DNAJC24: variants seen among roughly 807,000 people sequenced by gnomAD.
DNAJC24 encodes DnaJ heat shock protein family (Hsp40) member C24.
DNAJC24 carries 17 observed loss-of-function variants against 18.0 expected under a neutral mutation model. That is an observed-to-expected ratio of 0.94 (90% confidence interval 0.65 to 1.42). The LOEUF (loss-of-function observed/expected upper bound fraction) is 1.42. Among genes scored for constraint, DNAJC24 ranks in the 40% most tolerant of loss-of-function variants. The pLI is 0.00. For missense variants in DNAJC24, 158 were observed against 175.6 expected, an observed-to-expected ratio of 0.90 and a Z score of 0.57; for synonymous variants, 55 against 57.7, an observed-to-expected ratio of 0.95 and a Z score of 0.21.
At chr11:31,396,169 C>A in intron 2 of DNAJC24, 1 of 376,800 alleles carries the variant, frequency 2.7e-6, no homozygotes, top group Non-Finnish European at 5.2e-6. Context: ...TTTACTGTGA[C>A]ATCTGATACT....
intron 2 of DNAJC24, among the ~76,000 whole-genome samples, chr11:31,394,327 T>C (rs1337365756): frequency 6.6e-6 from 1 of 152,204 alleles, no homozygotes; most frequent in Non-Finnish European, 1.5e-5. Context: ...GGAATATGCA[T>C]GTCAAGTGAC....
intron 3 of DNAJC24, among the ~76,000 whole-genome samples, chr11:31,423,925 G>A (rs1428635739): frequency 1.3e-5 from 2 of 152,094 alleles, no homozygotes; most frequent in Non-Finnish European, 2.9e-5. Context: ...GAAATAGGTG[G>A]CTACTCTAAA....
At chr11:31,421,376 G>C (rs1464273663) in intron 3 of DNAJC24, among the ~76,000 whole-genome samples, 1 of 152,164 alleles carries the variant, frequency 6.6e-6, no homozygotes, top group Non-Finnish European at 1.5e-5. Context: ...CTTTAAGTTT[G>C]AAATAAACTT....
chr11:31,379,891 G>A (rs922676033), intron 2 of DNAJC24, among the ~76,000 whole-genome samples: 1 of 151,930 alleles, frequency 6.6e-6, no homozygotes, highest in African/African-American at 2.4e-5. Context: ...CCAAGTAGCT[G>A]GGATTACAGG....
chr11:31,427,416 A>T (rs1215183481), intron 4 of DNAJC24: 3 of 152,110 alleles, frequency 2.0e-5, no homozygotes, highest in Non-Finnish European at 4.4e-5. Context: ...TGGTGGTGAC[A>T]GTCTCATCAG....
chr11:31,380,351 A>G (rs1952364766), intron 2 of DNAJC24, among the ~76,000 whole-genome samples: 1 of 152,200 alleles, frequency 6.6e-6, no homozygotes, highest in African/African-American at 2.4e-5. Flanking sequence ...CAGACCAAAA[A>G]TCATTTTCAA....
intron 3 of DNAJC24, among the ~76,000 whole-genome samples, chr11:31,422,722 T>G (rs1284631091): frequency 6.6e-6 from 1 of 152,146 alleles, no homozygotes; most frequent in East Asian, 1.9e-4. Flanking sequence ...GTAAGTTACT[T>G]TAGAGGATGG....
intron 3 of DNAJC24, among the ~76,000 whole-genome samples, chr11:31,423,481 G>A (rs949250672): frequency 1.3e-5 from 2 of 152,010 alleles, no homozygotes; most frequent in Non-Finnish European, 2.9e-5. Context: ...GGCTGGTCTC[G>A]AACTCCTGAC....
chr11:31,386,475 C>G (rs936153558), intron 2 of DNAJC24, among the ~76,000 whole-genome samples: 1 of 151,872 alleles, frequency 6.6e-6, no homozygotes, highest in Non-Finnish European at 1.5e-5. Context: ...AGCTCCTAGA[C>G]TACATTTCTA....
chr11:31,373,026 A>G lies in DNAJC24; in HGVS notation c.111+2167A>G, dbSNP rs994392618. 1.5e-5 allele frequency among the ~76,000 whole-genome samples: 2 copies of G among 134,234 alleles called. 1 individual carries two copies. The highest frequency in any genetic ancestry group is 3.4e-5 in the Non-Finnish European group (2 of 58,184). The allele number at this position is 134,234 out of a possible 152,430, so 88.1% of individuals were successfully genotyped here. On this transcript the variant is annotated intron_variant, in intron 2 of 4. Coordinates refer to ENST00000465995, the MANE Select transcript of DNAJC24 (RefSeq NM_181706.5). ...ATGATGTTGAGCCCTTTTTAATGTG[A>G]TAATTGGCCATTTGTATAATTTTCT...
At chr11:31,412,401 C>T (rs188804241) in intron 2 of DNAJC24, among the ~76,000 whole-genome samples, 8 of 152,086 alleles carry the variant, frequency 5.3e-5, no homozygotes, top group African/African-American at 1.4e-4. Flanking sequence ...CCCCTGTAAA[C>T]GTATCATAAA....
intron 2 of DNAJC24, among the ~76,000 whole-genome samples, chr11:31,412,261 C>G (rs1952716863): frequency 6.6e-6 from 1 of 152,014 alleles, no homozygotes; most frequent in Non-Finnish European, 1.5e-5. Context: ...TTCATTGTAC[C>G]AAGCAGACTT....
At chr11:31,381,270 A>G (rs921241755) in intron 2 of DNAJC24, among the ~76,000 whole-genome samples, 1 of 152,132 alleles carries the variant, frequency 6.6e-6, no homozygotes, top group Non-Finnish European at 1.5e-5. Flanking sequence ...CCTTATTTTC[A>G]AATTCACTCT....
At chr11:31,375,038 T>C (rs1952299824) in intron 2 of DNAJC24, among the ~76,000 whole-genome samples, 2 of 134,538 alleles carry the variant, frequency 1.5e-5, no homozygotes, top group African/African-American at 5.0e-5. Context: ...TGTGAGCCAG[T>C]TGCTGTGGTT....
chr11:31,430,703 G>C lies in DNAJC24; in HGVS notation c.*302G>C, dbSNP rs528776057. 1 of 159,242 alleles carries C rather than the reference G, an allele frequency of 6.3e-6. No homozygotes were observed. Among genetic ancestry groups the C allele is most frequent in the African/African-American group, 2.4e-5 (1 of 41,550 alleles). 9.9% of individuals were successfully genotyped at this position (159,242 alleles called of 1,614,324 possible). ...CACAAAATAAGAATTTTCTTAATAT[G>C]AGCATGTCTCCTCTTTTCAGTGGGT... On this transcript the variant is annotated 3_prime_UTR_variant, in exon 5 of 5. Coordinates refer to ENST00000465995, the MANE Select transcript of DNAJC24 (RefSeq NM_181706.5).
intron 2 of DNAJC24, among the ~76,000 whole-genome samples, chr11:31,375,224 C>G (rs1591897559): frequency 7.4e-6 from 1 of 134,966 alleles, no homozygotes; most frequent in Non-Finnish European, 1.7e-5. Flanking sequence ...TTTTCTTTTC[C>G]CTTTAGAGGC....
intron 2 of DNAJC24, among the ~76,000 whole-genome samples, chr11:31,378,765 G>A (rs1032107078): frequency 9.9e-5 from 15 of 152,086 alleles, no homozygotes; most frequent in Admixed American, 3.3e-4. Context: ...TTAAGCGTGA[G>A]CTCTAGAGGG....
At chr11:31,391,116 A>C (rs117185440) in intron 2 of DNAJC24, among the ~76,000 whole-genome samples, 1 of 152,194 alleles carries the variant, frequency 6.6e-6, no homozygotes, top group Non-Finnish European at 1.5e-5. Flanking sequence ...TAATCATTTC[A>C]ATTGATACTG....
At chr11:31,389,347 G>A (rs1281967616) in intron 2 of DNAJC24, among the ~76,000 whole-genome samples, 1 of 151,844 alleles carries the variant, frequency 6.6e-6, no homozygotes, top group Non-Finnish European at 1.5e-5. Flanking sequence ...AACAAAAAAA[G>A]AGTAAAAGGA....
Sources: gnomAD v4.1 joint callset for allele counts (sites outside exome capture counted in the v4.1 genomes callset) on GRCh38, gnomAD v4.1.1 for gene constraint, MANE v1.5 for transcripts, NCBI Gene and HGNC (gene_info 2026-07-23, HGNC 2026-07-21) for gene names.